Variants in ZDHHC1 observed in about 807,000 individuals in gnomAD.
ZDHHC1 encodes palmitoyltransferase ZDHHC1.
ZDHHC1 carries 45 observed loss-of-function variants against 46.9 expected under a neutral mutation model. The observed-to-expected ratio is 0.96, with a 90% CI of 0.76 to 1.23. The LOEUF is 1.23. Ranked by LOEUF, ZDHHC1 falls within the 50% of genes most tolerant of loss-of-function variation. ZDHHC1 has a pLI of 0.00. For synonymous variants in ZDHHC1, 291 were observed against 286.0 expected (o/e 1.02, Z -0.18); for missense variants, 649 against 670.8 (o/e 0.97, Z 0.36).
chr16:67,405,722 A>T (rs1178447194), intron 3 of ZDHHC1, among the ~76,000 whole-genome samples: 2 of 152,200 alleles, frequency 1.3e-5, no homozygotes, highest in African/African-American at 4.8e-5. Flanking sequence ...GTGCCCATAA[A>T]CAGTCCTGGG....
chr16:67,414,878 C>T (rs144230067), intron 1 of ZDHHC1, among the ~76,000 whole-genome samples: 5 of 152,334 alleles, frequency 3.3e-5, no homozygotes, highest in Non-Finnish European at 7.3e-5. Context: ...ACGTGAAACT[C>T]ATCCAAACTC....
chr16:67,404,298 TCA>T (rs945316661), intron 3 of ZDHHC1: 111 of 167,218 alleles, frequency 6.6e-4, no homozygotes, highest in African/African-American at 2.5e-3. Context: ...CTGCTTGCCC[TCA>T]CAGTCTGCTG....
Position 67,406,067 on chromosome 16 carries a change from G to C in ZDHHC1, c.252+133C>G, listed in dbSNP as rs1341116766. ...AGGCTGGGAAGCAGCAAGTCCCCAG[G>C]ACTGGGCCCACCCTGCTCCACTCTC... is the stretch of plus-strand genomic sequence containing the variant. On this transcript the variant is annotated intron_variant, in intron 3 of 11. Transcript: ENST00000565726. The surrounding 1 kb of genome is among the most constrained non-coding windows in gnomAD (Gnocchi z 4.1). The C allele has an allele frequency of 7.4e-7, 1 of 1,358,504 alleles. No homozygotes were observed. The highest frequency in any genetic ancestry group is 2.7e-5 in the East Asian group (1 of 37,456). 84.2% of individuals were successfully genotyped at this position (1,358,504 alleles called of 1,614,324 possible). A position where few individuals can be genotyped will look rare whatever the true frequency, so the allele number is the denominator to read the frequency against.
chr16:67,398,018 C>T (rs944579804), intron 8 of ZDHHC1, among the ~76,000 whole-genome samples, 194 bp downstream of exon 8: 6 of 152,200 alleles, frequency 3.9e-5, no homozygotes, highest in Non-Finnish European at 8.8e-5. Flanking sequence ...ACGTGGGGTC[C>T]GGGAAACACA....
intron 1 of ZDHHC1, among the ~76,000 whole-genome samples, chr16:67,413,737 C>T (rs112466348): frequency 0.089 from 13,441 of 151,302 alleles, 984 homozygotes; most frequent in African/African-American, 0.21. Flanking sequence ...GTCAGGAATT[C>T]GAGACCAGCC....
Position 67,406,110 on chromosome 16 carries a change from G to C in ZDHHC1, c.252+90C>G. Reference sequence around the variant, plus strand: ...CCACTCTCCTGACTGTGCTCCCCAAGGCTCTCAACCCGGCTTTGGGCCTCC... The same window carrying C: ...CCACTCTCCTGACTGTGCTCCCCAACGCTCTCAACCCGGCTTTGGGCCTCC... On this transcript the variant is annotated intron_variant, in intron 3 of 11. Transcript: ENST00000565726. The surrounding 1 kb of genome is among the most constrained non-coding windows in gnomAD (Gnocchi z 4.1). 6.7e-7 allele frequency: 1 copy of C among 1,499,378 alleles called. No individual in the cohort carries two copies. The highest frequency in any genetic ancestry group is 1.4e-5 in the South Asian group (1 of 72,780). The allele number at this position is 1,499,378 out of a possible 1,614,324, so 92.9% of individuals were successfully genotyped here.
At chr16:67,395,398 A>G in intron 9 of ZDHHC1, 86 bp downstream of exon 9, 1 of 1,536,512 alleles carries the variant, frequency 6.5e-7, no homozygotes, top group South Asian at 1.2e-5. Context: ...CCATGCCCCG[A>G]CCTTAGCCTA....
Position 67,398,112 on chromosome 16 carries a change from T to A in ZDHHC1, c.927+100A>T, listed in dbSNP as rs184721442. The A allele has an allele frequency of 1.4e-3, 1,726 of 1,223,278 alleles. 16 individuals carry two copies. The African/African-American group carries it at 0.022, about 16-fold the overall frequency. The allele number at this position is 1,223,278 out of a possible 1,614,324, so 75.8% of individuals were successfully genotyped here. A position where few individuals can be genotyped will look rare whatever the true frequency, so the allele number is the denominator to read the frequency against. ...GGTCCCTGCTGCCCCCAGCGGCTGT[T>A]CCAGGCTTGCCTCCCTTGCCCTGTC... On this transcript the variant is annotated intron_variant, in intron 8 of 11. Coordinates refer to ENST00000565726, the MANE Select transcript of ZDHHC1 (RefSeq NM_001323627.2).
At chr16:67,411,843 T>G (rs2142262563) in intron 1 of ZDHHC1, among the ~76,000 whole-genome samples, 1 of 152,314 alleles carries the variant, frequency 6.6e-6, no homozygotes, top group South Asian at 2.1e-4. Context: ...CCGGGCGCGG[T>G]GGCTCACGCC....
chr16:67,395,073 AC>A lies in ZDHHC1; in HGVS notation c.1105-12del, dbSNP rs769688801. The A allele has an allele frequency of 6.2e-7, 1 of 1,613,296 alleles. No individual in the cohort carries two copies. On this transcript the variant is annotated splice_polypyrimidine_tract_variant and intron_variant, in intron 10 of 11. Transcript: ENST00000565726. ...CCTCTTCCTCTTTTTCTGCAGAGAC[AC>A]GGGGGAGCCTGAGGGCCCCACATCG...
In ZDHHC1 at chr16:67,398,295, T is replaced by C. The variant is rs1230294459; in HGVS notation, c.844A>G (p.Ile282Val). 1.2e-6 allele frequency: 2 copies of C among 1,613,868 alleles called. No individual in the cohort carries two copies. The change falls in exon 8 of 12, where the codon ATC becomes GTC. Residue 282 changes from isoleucine (I) to valine (V), a missense_variant. Transcript: ENST00000565726. ...TCCTGTGGTGGGCGGTGCTGCACGA[T>C]GTACTCATAGGTGGTGAGCTTGTGC... The part of the protein sequence containing the change: ...MWHKLTTYEY[I>V]VQHRPPQEAK...
intron 1 of ZDHHC1, among the ~76,000 whole-genome samples, chr16:67,412,686 G>C (rs1459792873): frequency 6.6e-6 from 1 of 152,204 alleles, no homozygotes; most frequent in African/African-American, 2.4e-5. Flanking sequence ...AGCTACCTGA[G>C]ACTCCCAGAA....
intron 8 of ZDHHC1, chr16:67,395,905 C>T: frequency 3.3e-6 from 1 of 299,820 alleles, no homozygotes; most frequent in Non-Finnish European, 6.4e-6. Context: ...CCTGGTGTCC[C>T]CAGGGATCCA....
chr16:67,404,994 G>T (rs1004835915), intron 3 of ZDHHC1, among the ~76,000 whole-genome samples: 2 of 152,178 alleles, frequency 1.3e-5, no homozygotes, highest in Non-Finnish European at 2.9e-5. Context: ...GTCCCATGAC[G>T]CATTCCCATG....
chr16:67,399,812 A>G (rs2040514058), intron 4 of ZDHHC1, among the ~76,000 whole-genome samples: 1 of 151,876 alleles, frequency 6.6e-6, no homozygotes, highest in South Asian at 2.1e-4. Context: ...GGGCCCAGGG[A>G]GCTGCAGACA....
chr16:67,395,525 T>C lies in ZDHHC1; in HGVS notation c.969A>G (p.Pro323=). The change falls in exon 9 of 12, where the codon CCA becomes CCG. Residue 323 remains proline (P), a synonymous_variant. Coordinates refer to ENST00000565726, the MANE Select transcript of ZDHHC1 (RefSeq NM_001323627.2). ...CTGGCCCGGCCTGGCCAGGGGGCTC[T>C]GGGCGCATATGTCTGAAGGTCCGCA... ...FYMRTFRHMR[P]EPPGQAGPAA... 2.6e-6 allele frequency: 4 copies of C among 1,555,308 alleles called. No homozygotes were observed. The highest frequency in any genetic ancestry group is 4.8e-5 in the East Asian group (2 of 41,614).
chr16:67,395,860 G>GTTTTTT, intron 8 of ZDHHC1: 2 of 413,244 alleles, frequency 4.8e-6, no homozygotes, highest in South Asian at 3.0e-5. Context: ...CTCAGCCAGG[G>GTTTTTT]AGTGGTGGGA....
intron 1 of ZDHHC1, among the ~76,000 whole-genome samples, chr16:67,412,562 C>A (rs985912505): frequency 6.6e-6 from 1 of 152,190 alleles, no homozygotes; most frequent in Admixed American, 6.5e-5. Context: ...GGAAAAGCCA[C>A]AGAACTTCCT....
chr16:67,405,869 C>T (rs981084791), intron 3 of ZDHHC1, among the ~76,000 whole-genome samples: 1 of 152,236 alleles, frequency 6.6e-6, no homozygotes, highest in Non-Finnish European at 1.5e-5. Context: ...ATCCTTTGTT[C>T]AGCTCTGAAC....
Sources: allele counts gnomAD v4.1 joint callset (sites outside exome capture counted in the v4.1 genomes callset), GRCh38; gene constraint gnomAD v4.1.1; non-coding constraint Gnocchi (gnomAD v3.1); transcripts MANE v1.5; gene names NCBI Gene and HGNC (gene_info 2026-07-23, HGNC 2026-07-21).